ZNF385D: variants seen among roughly 807,000 people sequenced by gnomAD.
The protein encoded by ZNF385D is zinc finger protein 385D.
In ZNF385D, 15 loss-of-function variants were observed where a neutral mutation model predicts 35.8. The observed-to-expected ratio is 0.42, with a 90% CI of 0.28 to 0.64. ZNF385D has a LOEUF of 0.64. Among genes scored for constraint, ZNF385D ranks in the 30% least tolerant of loss-of-function variants. ZNF385D has a pLI of 0.23. For missense variants in ZNF385D, 474 were observed against 494.6 expected, an observed-to-expected ratio of 0.96 and a Z score of 0.39; for synonymous variants, 212 against 186.8, an observed-to-expected ratio of 1.13 and a Z score of -1.10.
chr3:21,888,672 GA>G (rs1198274489), intron 3 of ZNF385D, among the ~76,000 whole-genome samples: 1 of 152,212 alleles, frequency 6.6e-6, no homozygotes, highest in Non-Finnish European at 1.5e-5. Context: ...AAAAAAGGGA[GA>G]AGGGCAAGTA....
chr3:21,500,654 T>C (rs942745332), intron 4 of ZNF385D, among the ~76,000 whole-genome samples: 2 of 152,174 alleles, frequency 1.3e-5, no homozygotes, highest in Non-Finnish European at 2.9e-5. Context: ...ATACACACCT[T>C]GCTTTCAGTC....
intron 3 of ZNF385D, among the ~76,000 whole-genome samples, chr3:22,149,508 A>G (rs1439618183): frequency 1.3e-5 from 2 of 152,174 alleles, no homozygotes; most frequent in Non-Finnish European, 2.9e-5. Flanking sequence ...GCCTACTCCT[A>G]GAGTTTCTGA....
chr3:21,973,670 GA>G (rs1486512904), intron 3 of ZNF385D, among the ~76,000 whole-genome samples: 2 of 151,916 alleles, frequency 1.3e-5, no homozygotes, highest in Non-Finnish European at 2.9e-5. Flanking sequence ...TTTATATTTG[GA>G]AAAACCTAAA....
chr3:21,479,094 CATAAAGT>C (rs966852430), intron 4 of ZNF385D, among the ~76,000 whole-genome samples: 8 of 149,522 alleles, frequency 5.4e-5, no homozygotes, highest in Admixed American at 2.0e-4. Flanking sequence ...CAGATAAAAA[CATAAAGT>C]ATAAAGTTAA....
At chr3:22,332,904 CT>C (rs200384474) in intron 2 of ZNF385D, among the ~76,000 whole-genome samples, 348 of 144,370 alleles carry the variant, frequency 2.4e-3, no homozygotes, top group African/African-American at 5.4e-3. Context: ...ATTACTTTTC[CT>C]TTTTTTTTTT....
At chr3:22,118,305 A>G (rs1403758543) in intron 3 of ZNF385D, among the ~76,000 whole-genome samples, 1 of 152,104 alleles carries the variant, frequency 6.6e-6, no homozygotes, top group African/African-American at 2.4e-5. Context: ...CCTCCAAACC[A>G]TAAATTGTTT....
chr3:22,210,483 A>C (rs1270293482), intron 2 of ZNF385D, among the ~76,000 whole-genome samples: 1 of 151,904 alleles, frequency 6.6e-6, no homozygotes, highest in Non-Finnish European at 1.5e-5. Flanking sequence ...CATACAGCTG[A>C]AAGAAAACAA....
At chr3:22,371,423 A>T (rs1307766785) in intron 2 of ZNF385D, among the ~76,000 whole-genome samples, 1 of 135,008 alleles carries the variant, frequency 7.4e-6, no homozygotes, top group South Asian at 2.5e-4. Flanking sequence ...AGATGTTCTC[A>T]GTCAGTTCAA....
At chr3:22,026,546 G>A (rs1469106432) in intron 3 of ZNF385D, among the ~76,000 whole-genome samples, 3 of 152,158 alleles carry the variant, frequency 2.0e-5, no homozygotes, top group African/African-American at 7.2e-5. Flanking sequence ...TGGAGTTTTA[G>A]CTCAGGTCCT....
intron 2 of ZNF385D, among the ~76,000 whole-genome samples, chr3:21,636,411 T>G (rs1171758788): frequency 1.8e-4 from 9 of 49,234 alleles, no homozygotes; most frequent in South Asian, 1.2e-3. Flanking sequence ...TATATATATA[T>G]ATAGAGTTTC....
intron 2 of ZNF385D, among the ~76,000 whole-genome samples, chr3:22,273,393 G>A (rs1450089050): frequency 6.6e-6 from 1 of 151,806 alleles, no homozygotes; most frequent in Non-Finnish European, 1.5e-5. Context: ...TCTCAGTCAG[G>A]GGTGATTTTA....
At chr3:21,994,334 T>C (rs1695331888) in intron 3 of ZNF385D, among the ~76,000 whole-genome samples, 1 of 152,212 alleles carries the variant, frequency 6.6e-6, no homozygotes, top group African/African-American at 2.4e-5. Context: ...AAAGTTTATC[T>C]ATTGTACTTG....
chr3:21,839,494 T>C (rs1277414509), intron 3 of ZNF385D, among the ~76,000 whole-genome samples: 3 of 152,044 alleles, frequency 2.0e-5, no homozygotes, highest in Admixed American at 6.6e-5. Flanking sequence ...TAAAAGCCAA[T>C]TGATGTAATT....
chr3:22,092,128 G>A (rs1250688395), intron 3 of ZNF385D, among the ~76,000 whole-genome samples: 1 of 152,172 alleles, frequency 6.6e-6, no homozygotes, highest in Non-Finnish European at 1.5e-5. Flanking sequence ...GGCATGCACT[G>A]TCCTAGTCAT....
intron 3 of ZNF385D, among the ~76,000 whole-genome samples, chr3:22,063,935 T>C (rs1332056951): frequency 2.6e-5 from 4 of 152,194 alleles, no homozygotes; most frequent in African/African-American, 4.8e-5. Context: ...TCTTTCCTCC[T>C]TCCCTATAAC....
chr3:21,682,215 T>G (rs1485361310), intron 1 of ZNF385D, among the ~76,000 whole-genome samples: 1 of 151,180 alleles, frequency 6.6e-6, no homozygotes, highest in Non-Finnish European at 1.5e-5. Flanking sequence ...GTTTTTAGTT[T>G]AGCTTTGTCC....
chr3:22,096,052 T>C (rs986130800), intron 3 of ZNF385D, among the ~76,000 whole-genome samples: 1 of 151,942 alleles, frequency 6.6e-6, no homozygotes, highest in East Asian at 1.9e-4. Context: ...GGAGAGAATG[T>C]AGAAATGTGA....
At chr3:21,945,431 C>G (rs781017364) in intron 3 of ZNF385D, among the ~76,000 whole-genome samples, 2 of 152,096 alleles carry the variant, frequency 1.3e-5, no homozygotes, top group Non-Finnish European at 2.9e-5. Context: ...ACATTTTAAG[C>G]CTGGTTTTTC....
chr3:22,101,066 G>A (rs1005465044), intron 3 of ZNF385D, among the ~76,000 whole-genome samples: 5 of 151,912 alleles, frequency 3.3e-5, no homozygotes, highest in Non-Finnish European at 7.4e-5. Context: ...TGAGCAAGAA[G>A]TTAATGAAAA....
Sources: gnomAD v4.1 joint callset for allele counts (sites outside exome capture counted in the v4.1 genomes callset) on GRCh38, gnomAD v4.1.1 for gene constraint, MANE v1.5 for transcripts, NCBI Gene and HGNC (gene_info 2026-07-23, HGNC 2026-07-21) for gene names.